DAB2: variants seen among roughly 807,000 people sequenced by gnomAD.
DAB2 encodes the protein DAB adaptor protein 2.
In DAB2, 28 loss-of-function variants were observed where a neutral mutation model predicts 71.6. The observed-to-expected ratio is 0.39, with a 90% CI of 0.29 to 0.54. The LOEUF is 0.54. DAB2 is among the 20% of genes least tolerant of loss of function. The pLI is 0.68. For synonymous variants in DAB2, 345 were observed against 339.7 expected (o/e 1.02, Z -0.17); for missense variants, 867 against 928.8 (o/e 0.93, Z 0.86).
intron 4 of DAB2, among the ~76,000 whole-genome samples, chr5:39,390,926 C>T (rs1755212289): frequency 6.6e-6 from 1 of 152,126 alleles, no homozygotes. Flanking sequence ...GGTCTACTTT[C>T]CCAACTCAAA....
intron 11 of DAB2, among the ~76,000 whole-genome samples, chr5:39,378,145 G>A (rs550236616): frequency 2.0e-5 from 3 of 152,290 alleles, no homozygotes; most frequent in Non-Finnish European, 4.4e-5. Flanking sequence ...TGTGGTGAAT[G>A]GCTCCATCTC....
intron 1 of DAB2, among the ~76,000 whole-genome samples, chr5:39,409,004 G>A (rs910970471): frequency 8.6e-5 from 13 of 152,036 alleles, no homozygotes; most frequent in Admixed American, 7.9e-4. Flanking sequence ...AGGGAGAGAG[G>A]TGAATCTGTC....
chr5:39,404,202 C>T (rs1755559962), intron 1 of DAB2, among the ~76,000 whole-genome samples: 1 of 129,938 alleles, frequency 7.7e-6, no homozygotes. Context: ...AATGAGAGCA[C>T]ATGGACACAG....
intron 1 of DAB2, among the ~76,000 whole-genome samples, chr5:39,406,814 G>C (rs1210102047): frequency 1.3e-5 from 2 of 151,784 alleles, no homozygotes. Context: ...TCTAAAGAAC[G>C]AACAACTTAC....
At chr5:39,385,854 C>T (rs991375372) in intron 9 of DAB2, among the ~76,000 whole-genome samples, 1 of 152,146 alleles carries the variant, frequency 6.6e-6, no homozygotes, top group African/African-American at 2.4e-5. Flanking sequence ...ACAATAAGAC[C>T]CACGTTGTTT....
Position 39,385,757 on chromosome 5 carries a change from G to A in DAB2, c.688-2486C>T, listed in dbSNP as rs562065973. On this transcript the variant is annotated intron_variant, in intron 9 of 14. Transcript: ENST00000320816. ...TAACCATTCCAGTTTGTCAGACTGA[G>A]GACTTCTCTACTCAAAGCCTTAAGT... is the stretch of plus-strand genomic sequence containing the variant. 3.1e-3 allele frequency among the ~76,000 whole-genome samples: 467 copies of A among 152,222 alleles called. 1 individual carries two copies. The highest frequency in any genetic ancestry group is 4.7e-3 in the Non-Finnish European group (319 of 68,022).
At position 39,381,636 on chromosome 5, in the gene DAB2, G is replaced by C; in HGVS notation, c.1342-20C>G. The C allele has an allele frequency of 1.1e-5, 17 of 1,613,300 alleles. No individual in the cohort carries two copies. The highest frequency in any genetic ancestry group is 1.4e-5 in the Non-Finnish European group (16 of 1,179,634). On this transcript the variant is annotated intron_variant, in intron 10 of 14. Transcript: ENST00000320816. ...TGAAGACTGACAGGACAGGGAGGGA[G>C]GGAGAAGCCTTAGTTACTCACTAAC...
Position 39,376,010 on chromosome 5 carries a change from G to A in DAB2, c.2234C>T (p.Ser745Leu). ...ENPFFKDSFG[S>L]SQASVASSQP... ...GTTCATACTTACAGAGGCTTGTGATGAACCAAAAGAATCTTTAAAGAAAGG... is the reference window on the plus strand; with the variant it reads ...GTTCATACTTACAGAGGCTTGTGATAAACCAAAAGAATCTTTAAAGAAAGG... Residue 745 changes from serine (S) to leucine (L), a missense_variant, in exon 13 of 15, where the codon TCA becomes TTA. Physicochemically the swap from Ser to Leu is moderately radical, Grantham distance 145. This residue lies in a region of DAB2 where 740 missense variants were observed against 734.3 expected (regional missense o/e 1.01). Coordinates refer to ENST00000320816, the MANE Select transcript of DAB2 (RefSeq NM_001343.4). 6.2e-7 allele frequency: 1 copy of A among 1,613,656 alleles called. No homozygotes were observed. Among genetic ancestry groups the A allele is most frequent in the Non-Finnish European group, 8.5e-7 (1 of 1,179,638 alleles).
chr5:39,407,363 G>T (rs1755629936), intron 1 of DAB2, among the ~76,000 whole-genome samples: 1 of 152,180 alleles, frequency 6.6e-6, no homozygotes, highest in South Asian at 2.1e-4. Flanking sequence ...GGGACTACAG[G>T]TGCTTGCCAC....
Position 39,376,058 on chromosome 5 carries a change from G to A in DAB2, c.2186C>T (p.Ser729Phe). The change falls in exon 13 of 15, where the codon TCT (serine) becomes TTT (phenylalanine). Residue 729 changes from serine (S) to phenylalanine (F), a missense_variant. This residue lies in a region of DAB2 where 740 missense variants were observed against 734.3 expected (regional missense o/e 1.01). Transcript: ENST00000320816. ...PRQVSLPVTK[S>F]TDNAFENPFF... The stretch of plus-strand genomic sequence containing the variant: ...AGGGTTCTCAAATGCATTGTCAGTA[G>A]ATTTGGTAACTGGCAGGGAAACTTG... The A allele has an allele frequency of 6.2e-7, 1 of 1,614,106 alleles. No homozygotes were observed. Among genetic ancestry groups the A allele is most frequent in the South Asian group, 1.1e-5 (1 of 91,086 alleles).
At chr5:39,401,405 G>A (rs1192718147) in intron 1 of DAB2, among the ~76,000 whole-genome samples, 11 of 152,158 alleles carry the variant, frequency 7.2e-5, no homozygotes, top group Non-Finnish European at 1.3e-4. Flanking sequence ...TGCTTTCCCT[G>A]TTTTTGGAAC....
intron 1 of DAB2, chr5:39,418,116 T>G (rs992948910): frequency 6.6e-6 from 1 of 152,172 alleles, no homozygotes; most frequent in Non-Finnish European, 1.5e-5. Flanking sequence ...CAACAAAACC[T>G]AATGCTGATA....
chr5:39,415,739 G>T (rs1167647462), intron 1 of DAB2, among the ~76,000 whole-genome samples: 1 of 152,138 alleles, frequency 6.6e-6, no homozygotes, highest in East Asian at 1.9e-4. Flanking sequence ...CAAGTAGTGA[G>T]CCCTCCACAA....
chr5:39,407,302 C>A (rs1265662435), intron 1 of DAB2, among the ~76,000 whole-genome samples: 1 of 152,198 alleles, frequency 6.6e-6, no homozygotes, highest in African/African-American at 2.4e-5. Flanking sequence ...TCACTGCAAC[C>A]TCCGCCTCCC....
intron 1 of DAB2, among the ~76,000 whole-genome samples, chr5:39,396,979 C>T (rs529868174): frequency 2.6e-5 from 4 of 152,346 alleles, no homozygotes; most frequent in African/African-American, 9.6e-5. Context: ...ACTGTGCAAA[C>T]ATTCCTGCTT....
intron 1 of DAB2, among the ~76,000 whole-genome samples, chr5:39,402,192 G>T (rs1194261192): frequency 6.6e-6 from 1 of 152,098 alleles, no homozygotes; most frequent in Non-Finnish European, 1.5e-5. Context: ...CAATACATGG[G>T]AATTATGGGA....
Position 39,371,808 on chromosome 5 carries a change from A to G in DAB2, c.*1623T>C, listed in dbSNP as rs1754706729. ...ATGACTTTCAAAAATTCAACTACCTAGAAATAGTTACCTCCAGTTTAGCAC... is the reference window on the plus strand; with the variant it reads ...ATGACTTTCAAAAATTCAACTACCTGGAAATAGTTACCTCCAGTTTAGCAC... On this transcript the variant is annotated 3_prime_UTR_variant, in exon 15 of 15. Transcript: ENST00000320816. 6.6e-6 allele frequency: 1 copy of G among 152,244 alleles called. No individual in the cohort carries two copies. Among genetic ancestry groups the G allele is most frequent in the Non-Finnish European group, 1.5e-5 (1 of 68,042 alleles). 9.4% of individuals were successfully genotyped at this position (152,244 alleles called of 1,614,324 possible).
intron 11 of DAB2, among the ~76,000 whole-genome samples, chr5:39,378,506 A>T (rs188848439): frequency 1.4e-3 from 208 of 152,308 alleles, no homozygotes; most frequent in African/African-American, 4.8e-3. Flanking sequence ...TTTAGGAGTG[A>T]TGGAGCACAA....
At chr5:39,417,388 A>T (rs766510968) in intron 1 of DAB2, 4 of 152,120 alleles carry the variant, frequency 2.6e-5, no homozygotes, top group African/African-American at 7.2e-5. Context: ...TCTCAGCCCT[A>T]TGCCACCTGT....
Sources: allele counts gnomAD v4.1 joint callset (sites outside exome capture counted in the v4.1 genomes callset), GRCh38; gene constraint gnomAD v4.1.1; regional missense constraint gnomAD v4.1.1; transcripts MANE v1.5; gene names NCBI Gene and HGNC (gene_info 2026-07-23, HGNC 2026-07-21).